Variants in NUP93 observed in about 807,000 individuals in gnomAD.
NUP93 encodes nuclear pore complex protein Nup93.
A neutral mutation model predicts 107.8 loss-of-function variants in NUP93; 55 were observed. That is an observed-to-expected ratio of 0.51 (90% CI 0.41 to 0.64). The LOEUF is 0.64. Ranked by LOEUF, NUP93 falls within the 30% of genes least tolerant of loss-of-function variation. The pLI is 0.00. For synonymous variants in NUP93, 390 were observed against 397.5 expected (o/e 0.98, Z 0.22); for missense variants, 937 against 1,044.7 (o/e 0.90, Z 1.42).
intron 3 of NUP93, among the ~76,000 whole-genome samples, chr16:56,794,644 A>G (rs566542316): frequency 6.6e-6 from 1 of 151,980 alleles, no homozygotes; most frequent in African/African-American, 2.4e-5. Flanking sequence ...AAAGAATGGG[A>G]TAGGCTGGGC....
intron 3 of NUP93, among the ~76,000 whole-genome samples, chr16:56,777,353 A>G (rs1596791156): frequency 6.6e-6 from 1 of 152,146 alleles, no homozygotes; most frequent in African/African-American, 2.4e-5. Context: ...CAAAGTCAGA[A>G]CCACCACTCT....
In NUP93 at chr16:56,753,570, G is replaced by A. The variant is rs140548189; in HGVS notation, c.180-4968G>A. 3.9e-3 allele frequency among the ~76,000 whole-genome samples: 592 copies of A among 152,254 alleles called. 5 individuals carry two copies. Among genetic ancestry groups the A allele is most frequent in the African/African-American group, 0.013 (546 of 41,546 alleles). On this transcript the variant is annotated intron_variant, in intron 2 of 21. Coordinates refer to ENST00000308159, the MANE Select transcript of NUP93 (RefSeq NM_014669.5). ...GCTCCATCCCAAACCTATTAAATCA[G>A]AATCTACATTTTTAACAAGCTTTCC...
chr16:56,748,426 C>T lies in NUP93; in HGVS notation c.179C>T (p.Ala60Val). The T allele has an allele frequency of 3.1e-6, 5 of 1,610,718 alleles. No homozygotes were observed. The highest frequency in any genetic ancestry group is 4.2e-6 in the Non-Finnish European group (5 of 1,177,824). ...RTSQETADVK[A>V]SVLLGSRGLD... ...TCCCAGGAGACGGCAGATGTCAAGG[C>T]GTGAGTACTGGTAGGGAGACAGCAT... The change falls in exon 2 of 22, where the codon GCG becomes GTG. Residue 60 changes from alanine (A) to valine (V), a missense_variant and splice_region_variant. Transcript: ENST00000308159.
intron 1 of NUP93, among the ~76,000 whole-genome samples, chr16:56,741,475 C>A (rs1175922698): frequency 6.6e-6 from 1 of 152,124 alleles, no homozygotes; most frequent in African/African-American, 2.4e-5. Flanking sequence ...TGGATTGGAA[C>A]CAGGTGTTTG....
Position 56,784,443 on chromosome 16 carries a change from C to T in NUP93, c.298-14033C>T, listed in dbSNP as rs181691440. Among the ~76,000 whole-genome samples, 40 of 152,190 alleles carry T rather than the reference C, an allele frequency of 2.6e-4. 1 individual carries two copies. The highest frequency in any genetic ancestry group is 2.2e-3 in the Admixed American group (34 of 15,280). ...TCACTCATGGGGATAATTTTTAGTGCCTTCTACTTAATTAATAGTTGTGAC... is the reference window on the plus strand; with the variant it reads ...TCACTCATGGGGATAATTTTTAGTGTCTTCTACTTAATTAATAGTTGTGAC... On this transcript the variant is annotated intron_variant, in intron 3 of 21. Transcript: ENST00000308159.
At chr16:56,816,895 A>G (rs538120952) in intron 5 of NUP93, among the ~76,000 whole-genome samples, 11 of 152,268 alleles carry the variant, frequency 7.2e-5, no homozygotes, top group Admixed American at 4.6e-4. Context: ...GCTGGCTGTT[A>G]AGAAACATTT....
At position 56,834,394 on chromosome 16, in the gene NUP93, A is replaced by G. The variant is rs1002862444; in HGVS notation, c.1689A>G (p.Glu563=). ...FLRDEKDSQG[E]NMFLRCVSEL... ...GGGATGAGAAAGATAGTCAAGGAGAAAACATGTTTCTGCGCTGTGTGAGTG... is the reference window on the plus strand; with the variant it reads ...GGGATGAGAAAGATAGTCAAGGAGAGAACATGTTTCTGCGCTGTGTGAGTG... Residue 563 remains glutamate (E), a synonymous_variant, in exon 15 of 22, where the codon GAA becomes GAG. Transcript: ENST00000308159. 1 of 1,614,228 alleles carries G rather than the reference A, an allele frequency of 6.2e-7. No homozygotes were observed. The highest frequency in any genetic ancestry group is 1.7e-5 in the Admixed American group (1 of 60,024).
chr16:56,783,250 C>T (rs7186533), intron 3 of NUP93: 47,305 of 152,758 alleles, frequency 0.31, 7,665 homozygotes, highest in East Asian at 0.46. Flanking sequence ...AATTGTTCAC[C>T]CTAGTTGAGG....
intron 3 of NUP93, 96 bp from the exon 4 acceptor site, chr16:56,798,380 A>G (rs1224884673): frequency 9.2e-6 from 9 of 974,296 alleles, no homozygotes; most frequent in Non-Finnish European, 1.5e-5. Flanking sequence ...TGTAGGTAGC[A>G]TAGTAGATAC....
chr16:56,741,237 G>T (rs142172594), intron 1 of NUP93, among the ~76,000 whole-genome samples: 114 of 152,316 alleles, frequency 7.5e-4, no homozygotes, highest in African/African-American at 2.6e-3. Flanking sequence ...AAGCAGAGAT[G>T]TTTATAATTA....
At chr16:56,829,627 A>G (rs531423948) in intron 9 of NUP93, among the ~76,000 whole-genome samples, 11 of 152,238 alleles carry the variant, frequency 7.2e-5, no homozygotes, top group Non-Finnish European at 1.5e-4. Flanking sequence ...CTCTTAAAGA[A>G]TAGGAGTTCA....
chr16:56,812,252 G>A (rs889306693), intron 5 of NUP93, among the ~76,000 whole-genome samples: 2 of 152,146 alleles, frequency 1.3e-5, no homozygotes, highest in Non-Finnish European at 2.9e-5. Flanking sequence ...AGTGGTTTCT[G>A]AAACATGTTT....
chr16:56,770,807 T>C (rs1381005492), intron 3 of NUP93, among the ~76,000 whole-genome samples: 3 of 152,024 alleles, frequency 2.0e-5, no homozygotes, highest in Non-Finnish European at 4.4e-5. Context: ...CTCAAGCCTG[T>C]AATCCCAGCA....
intron 3 of NUP93, among the ~76,000 whole-genome samples, chr16:56,793,775 A>G (rs1962821747): frequency 6.6e-6 from 1 of 152,192 alleles, no homozygotes; most frequent in Admixed American, 6.5e-5. Context: ...CACAGATCCC[A>G]GCAGTATTCT....
chr16:56,790,011 T>A (rs1341593339), intron 3 of NUP93, among the ~76,000 whole-genome samples: 2 of 152,082 alleles, frequency 1.3e-5, no homozygotes, highest in Non-Finnish European at 2.9e-5. Flanking sequence ...GCAGGAGAAT[T>A]GCTTGAACCT....
chr16:56,808,271 CTATA>C (rs1321323859), intron 5 of NUP93, among the ~76,000 whole-genome samples: 1 of 31,180 alleles, frequency 3.2e-5, no homozygotes, highest in Non-Finnish European at 5.4e-5. Context: ...AGTTATGTAA[CTATA>C]TAAAATATAT....
At chr16:56,775,318 T>A (rs1209315235) in intron 3 of NUP93, among the ~76,000 whole-genome samples, 1 of 152,102 alleles carries the variant, frequency 6.6e-6, no homozygotes, top group Non-Finnish European at 1.5e-5. Flanking sequence ...CCATCTGGAG[T>A]TATGTAGACA....
chr16:56,808,304 AAT>A lies in NUP93; in HGVS notation c.489+2678_489+2679del, dbSNP rs1253916731. On this transcript the variant is annotated intron_variant, in intron 5 of 21. Transcript: ENST00000308159. ...AATATATAGTTATGTAACTATATAA[AAT>A]ATATAGTTATGTAACTATATAAAAT... 8.0e-3 allele frequency among the ~76,000 whole-genome samples: 6 copies of A among 748 alleles called. 1 individual carries two copies. Among genetic ancestry groups the A allele is most frequent in the African/African-American group, 0.073 (6 of 82 alleles). 0.5% of individuals were successfully genotyped at this position (748 alleles called of 152,430 possible).
chr16:56,789,018 A>G (rs1450025063), intron 3 of NUP93, among the ~76,000 whole-genome samples: 2 of 151,152 alleles, frequency 1.3e-5, no homozygotes, highest in African/African-American at 2.4e-5. Flanking sequence ...TTGCATGATA[A>G]TTTTTTTTTC....
Sources: allele counts gnomAD v4.1 joint callset (sites outside exome capture counted in the v4.1 genomes callset), GRCh38; gene constraint gnomAD v4.1.1; transcripts MANE v1.5; gene names NCBI Gene and HGNC (gene_info 2026-07-23, HGNC 2026-07-21).